The following FRMD6 variants were observed in gnomAD, a reference collection of about 807,000 sequenced individuals.
FRMD6 encodes the protein FERM domain containing 6.
FRMD6 carries 37 observed loss-of-function variants against 73.2 expected under a neutral mutation model. The observed-to-expected ratio is 0.51, with a 90% confidence interval of 0.39 to 0.66. The LOEUF (loss-of-function observed/expected upper bound fraction) is 0.66, where lower values mean the gene tolerates loss of function less well. FRMD6 is among the 30% of genes least tolerant of loss of function. The probability of loss-of-function intolerance (pLI) is 0.00; values close to 1 mark genes in which losing one functional copy is unlikely to be tolerated. For synonymous variants in FRMD6, 273 were observed against 282.2 expected (o/e 0.97, Z 0.33); for missense variants, 714 against 780.5 (o/e 0.91, Z 1.02).
chr14:51,444,791 C>T, the FRMD6 span, among the ~76,000 whole-genome samples: 13 of 152,162 alleles, frequency 8.5e-5, 1 homozygote, highest in East Asian at 1.9e-4. Context: ...TGATAGGGGG[C>T]GGAGGCATCT....
At chr14:51,628,331 A>G (rs2139962170) in intron 2 of FRMD6, among the ~76,000 whole-genome samples, 1 of 152,330 alleles carries the variant, frequency 6.6e-6, no homozygotes, top group South Asian at 2.1e-4. Flanking sequence ...TATAAAATTT[A>G]TCCATCTTAC....
the FRMD6 span, among the ~76,000 whole-genome samples, chr14:51,463,880 T>G: frequency 6.6e-6 from 1 of 152,206 alleles, no homozygotes; most frequent in South Asian, 2.1e-4. Context: ...TGCAGTGGCA[T>G]GATCACCACT....
chr14:51,409,929 T>C, the FRMD6 span, among the ~76,000 whole-genome samples: 1 of 152,176 alleles, frequency 6.6e-6, no homozygotes, highest in Non-Finnish European at 1.5e-5. Context: ...GACCATCTCC[T>C]TGAAAATCAT....
the FRMD6 span, among the ~76,000 whole-genome samples, chr14:51,416,677 C>T: frequency 3.9e-3 from 594 of 152,230 alleles, 2 homozygotes; most frequent in East Asian, 8.9e-3. Context: ...GTCTGCTTGT[C>T]GCAGAGCTGA....
chr14:51,674,191 A>G (rs1164845442), intron 1 of FRMD6, among the ~76,000 whole-genome samples: 3 of 152,102 alleles, frequency 2.0e-5, no homozygotes, highest in Admixed American at 1.3e-4. Flanking sequence ...AAAGAATCCA[A>G]CTTTTCCTAG....
chr14:51,409,421 A>G, the FRMD6 span, among the ~76,000 whole-genome samples: 1 of 145,202 alleles, frequency 6.9e-6, no homozygotes, highest in African/African-American at 2.5e-5. Flanking sequence ...AGATGCTGAA[A>G]GGTCTTTCAT....
the FRMD6 span, among the ~76,000 whole-genome samples, chr14:51,481,017 A>T: frequency 6.6e-6 from 1 of 152,378 alleles, no homozygotes; most frequent in South Asian, 2.1e-4. Context: ...CACATGTAAA[A>T]TACTAAGAGT....
upstream of FRMD6, among the ~76,000 whole-genome samples, chr14:51,487,768 A>G (rs966051681): frequency 2.0e-5 from 3 of 152,194 alleles, no homozygotes; most frequent in Non-Finnish European, 4.4e-5. Context: ...CTTGAAACAC[A>G]TTTCCAAGAG....
Position 51,508,042 on chromosome 14 carries a change from C to T in FRMD6, c.-210+18622C>T, listed in dbSNP as rs117222178. Among the ~76,000 whole-genome samples the T allele has an allele frequency of 1.8e-4, 27 of 152,290 alleles. No individual in the cohort carries two copies. The East Asian group carries it at 5.2e-3, about 29-fold the overall frequency. The stretch of plus-strand genomic sequence containing the variant: ...GCCTCCCCCTGCTACTGAGCGTGCC[C>T]ACTCAGGCTCCATCGCAGACCCTGC... On this transcript the variant is annotated intron_variant, in intron 1 of 14. Coordinates refer to the FRMD6 transcript ENST00000356218.
At chr14:51,700,977 G>T (rs1896271966) in intron 3 of FRMD6, 79 bp from the exon 4 acceptor site, 2 of 648,292 alleles carry the variant, frequency 3.1e-6, no homozygotes, top group East Asian at 3.2e-5. Flanking sequence ...GGCTTTAAAA[G>T]AAACTTGTTT....
chr14:51,699,805 G>A lies in FRMD6; in HGVS notation c.191-1251G>A, dbSNP rs541997583. Among the ~76,000 whole-genome samples, 36 of 152,040 alleles carry A rather than the reference G, an allele frequency of 2.4e-4. No individual in the cohort carries two copies. The South Asian group carries it at 7.5e-3, about 32-fold the overall frequency. ...TCTATTCATTATGTTGCTTCTTTAG[G>A]TGGGAACTCAAGCCAAACACAAATC... On this transcript the variant is annotated intron_variant, in intron 3 of 13. Coordinates refer to ENST00000344768, the MANE Select transcript of FRMD6 (RefSeq NM_001267046.2).
chr14:51,490,173 G>A (rs1314402773), intron 1 of FRMD6, among the ~76,000 whole-genome samples: 2 of 152,194 alleles, frequency 1.3e-5, no homozygotes, highest in African/African-American at 4.8e-5. Flanking sequence ...AAGTGATAAA[G>A]GGAATATGGA....
At chr14:51,489,920 A>G (rs1342232076) in intron 1 of FRMD6, among the ~76,000 whole-genome samples, 2 of 152,238 alleles carry the variant, frequency 1.3e-5, no homozygotes, top group Non-Finnish European at 2.9e-5. Context: ...AAAGGAAGTT[A>G]TTAAGAGTCT....
At chr14:51,611,142 A>C (rs1278066875) in intron 2 of FRMD6, among the ~76,000 whole-genome samples, 1 of 152,210 alleles carries the variant, frequency 6.6e-6, no homozygotes, top group Non-Finnish European at 1.5e-5. Flanking sequence ...TCAAGCCAGG[A>C]ATCTCTTTGG....
At chr14:51,529,483 A>G (rs1324674406) in intron 1 of FRMD6, among the ~76,000 whole-genome samples, 1 of 152,180 alleles carries the variant, frequency 6.6e-6, no homozygotes, top group East Asian at 1.9e-4. Context: ...AGAGAGAGAG[A>G]GCGAGCACAA....
chr14:51,673,054 C>T (rs1894131015), intron 1 of FRMD6, among the ~76,000 whole-genome samples: 1 of 152,120 alleles, frequency 6.6e-6, no homozygotes, highest in African/African-American at 2.4e-5. Context: ...TGCTTTTAAC[C>T]TTCTATAGAG....
intron 1 of FRMD6, among the ~76,000 whole-genome samples, chr14:51,688,548 A>G (rs1566565794): frequency 6.6e-6 from 1 of 152,190 alleles, no homozygotes; most frequent in Non-Finnish European, 1.5e-5. Flanking sequence ...GTGAGTATTA[A>G]TGTATTTTCT....
At chr14:51,604,559 TA>T (rs1199845368) in intron 2 of FRMD6, among the ~76,000 whole-genome samples, 3 of 151,984 alleles carry the variant, frequency 2.0e-5, no homozygotes, top group Non-Finnish European at 4.4e-5. Context: ...AAAGAAACAC[TA>T]AAAAAACTAA....
chr14:51,474,241 T>C, the FRMD6 span, among the ~76,000 whole-genome samples: 1 of 152,228 alleles, frequency 6.6e-6, no homozygotes, highest in African/African-American at 2.4e-5. Context: ...TTTGTCATCA[T>C]TGCTGTGATT....
Sources: gnomAD v4.1 joint callset for allele counts (sites outside exome capture counted in the v4.1 genomes callset) on GRCh38, gnomAD v4.1.1 for gene constraint, MANE v1.5 for transcripts, NCBI Gene and HGNC (gene_info 2026-07-23, HGNC 2026-07-21) for gene names.